STMN3: variants seen among roughly 807,000 people sequenced by gnomAD.
STMN3 encodes stathmin-3.
In STMN3, 24 loss-of-function variants were observed where a neutral mutation model predicts 23.2. The observed-to-expected ratio is 1.03, with a 90% CI of 0.75 to 1.45. The LOEUF (loss-of-function observed/expected upper bound fraction) is 1.45, where lower values mean the gene tolerates loss of function less well. Among genes scored for constraint, STMN3 ranks in the 40% most tolerant of loss-of-function variants. The probability of loss-of-function intolerance (pLI) is 0.00; values close to 1 mark genes in which losing one functional copy is unlikely to be tolerated. For missense variants in STMN3, 235 were observed against 237.6 expected (o/e 0.99, Z 0.07); for synonymous variants, 117 against 103.4 (o/e 1.13, Z -0.80).
chr20:63,644,974 C>G (rs1601057868), intron 1 of STMN3, among the ~76,000 whole-genome samples: 1 of 152,176 alleles, frequency 6.6e-6, no homozygotes, highest in Admixed American at 6.5e-5. Flanking sequence ...AAGTGGCTAC[C>G]CCTGCCTGTC....
intron 1 of STMN3, 119 bp downstream of exon 1, chr20:63,653,208 A>C: frequency 3.9e-6 from 5 of 1,297,614 alleles, no homozygotes; most frequent in Non-Finnish European, 4.2e-6. Context: ...CAGGCTTGCA[A>C]CGCGCAGGGT....
Position 63,642,156 on chromosome 20 carries a change from C to G in STMN3, c.435G>C (p.Glu145Asp), listed in dbSNP as rs780647375. 4.5e-6 allele frequency: 7 copies of G among 1,552,808 alleles called. No homozygotes were observed. In the South Asian group the frequency reaches 5.9e-5, roughly 13 times the overall value. ...GTGCGGCCAGGTGTGCCTCGCGGAT[C>G]TCCTTGCTGAGCTCCATCTTGTAGT... is the stretch of plus-strand genomic sequence containing the variant. Reference protein sequence around the residue: ...KLNYKMELSKEIREAHLAALR... With the variant: ...KLNYKMELSKDIREAHLAALR... The change falls in exon 4 of 5, where the codon GAG becomes GAC. Residue 145 changes from glutamate to aspartate, a missense_variant. Physicochemically the swap from Glu to Asp is conservative, Grantham distance 45. Coordinates refer to ENST00000370053, the MANE Select transcript of STMN3 (RefSeq NM_015894.4).
intron 1 of STMN3, among the ~76,000 whole-genome samples, chr20:63,651,823 A>G (rs2146124076): frequency 6.6e-6 from 1 of 152,306 alleles, no homozygotes; most frequent in East Asian, 1.9e-4. Flanking sequence ...GAATGTGAGC[A>G]GAGGCCACAA....
rs984663440 is a variant in STMN3, at chr20:63,643,884, C to T, written c.163G>A (p.Glu55Lys). Reference protein sequence around the residue: ...LDKRASGQSFEVILKSPSDLS... With the variant: ...LDKRASGQSFKVILKSPSDLS... ...TCAGAAGGGGACTTGAGGATGACCT[C>T]GAAGCTCTGGCCTGAGGCCCGCTTG... The change falls in exon 3 of 5, where the codon GAG becomes AAG. Residue 55 changes from glutamate (E) to lysine (K), a missense_variant. Coordinates refer to ENST00000370053, the MANE Select transcript of STMN3 (RefSeq NM_015894.4). 23 of 1,596,876 alleles carry T rather than the reference C, an allele frequency of 1.4e-5. No homozygotes were observed. The highest frequency in any genetic ancestry group is 1.8e-5 in the Non-Finnish European group (21 of 1,175,584).
rs1569070258 is a variant in STMN3 at position 63,647,956 on chromosome 20, A to ATATGTG, written c.20-3648_20-3647insCACATA. Among the ~76,000 whole-genome samples, 41 of 50,948 alleles carry ATATGTG rather than the reference A, an allele frequency of 8.0e-4. 3 individuals are homozygous for ATATGTG. In the South Asian group the frequency reaches 0.015, roughly 19 times the overall value. 33.4% of individuals were successfully genotyped at this position (50,948 alleles called of 152,430 possible). ...TATATATGTGTGTGTGTGTATATAT[A>ATATGTG]TATGTATATATATATATATATATAC... On this transcript the variant is annotated intron_variant, in intron 1 of 4. Transcript: ENST00000370053.
intron 1 of STMN3, 88 bp from the exon 2 acceptor site, chr20:63,644,397 T>C (rs2146115840): frequency 2.0e-6 from 2 of 1,011,568 alleles, no homozygotes; most frequent in Admixed American, 2.0e-5. Context: ...GCCTCTATCA[T>C]GTCTCTGTGA....
intron 1 of STMN3, among the ~76,000 whole-genome samples, chr20:63,649,599 C>A (rs1156975933): frequency 6.6e-6 from 1 of 152,066 alleles, no homozygotes; most frequent in Non-Finnish European, 1.5e-5. Context: ...GGTACAATCT[C>A]GGCTCACGGC....
In STMN3 at chr20:63,652,583, G is replaced by T. The variant is rs1433566886; in HGVS notation, c.19+744C>A. 6.1e-6 allele frequency: 6 copies of T among 985,376 alleles called. No homozygotes were observed. Among genetic ancestry groups the T allele is most frequent in the Non-Finnish European group, 7.2e-6 (6 of 829,894 alleles). The allele number at this position is 985,376 out of a possible 1,614,324, so 61.0% of individuals were successfully genotyped here. On this transcript the variant is annotated intron_variant, in intron 1 of 4. Coordinates refer to ENST00000370053, the MANE Select transcript of STMN3 (RefSeq NM_015894.4). This position sits in a 1 kb window ranked among gnomAD's most constrained non-coding sequence, Gnocchi z 5.3. ...CGGGGTGGGCGCTACCTTCGAAGGC[G>T]GTGGGTCCGCCCCGCGGGAGGTGGA... is the stretch of plus-strand genomic sequence containing the variant.
chr20:63,644,229 C>A lies in STMN3; in HGVS notation c.100G>T (p.Val34Phe). ...CFYTQPHPNT[V>F]YQYGDMEVKQ... ...AGGCACTCACCCCCGTACTGGTAGA[C>A]GGTATTGGGGTGCGGCTGTGTGTAG... The change falls in exon 2 of 5, where the codon GTC becomes TTC. Residue 34 changes from valine to phenylalanine, a missense_variant. Coordinates refer to ENST00000370053, the MANE Select transcript of STMN3 (RefSeq NM_015894.4). The A allele has an allele frequency of 6.2e-7, 1 of 1,613,604 alleles. No individual in the cohort carries two copies. Among genetic ancestry groups the A allele is most frequent in the Non-Finnish European group, 8.5e-7 (1 of 1,179,814 alleles).
chr20:63,642,532 TC>T (rs1263041227), intron 3 of STMN3, among the ~76,000 whole-genome samples: 1 of 149,704 alleles, frequency 6.7e-6, no homozygotes, highest in Non-Finnish European at 1.5e-5. Context: ...CCCGCCCCCG[TC>T]CCTGCCTCGC....
chr20:63,647,954 ATATATG>A (rs1458991478), intron 1 of STMN3, among the ~76,000 whole-genome samples: 1 of 49,150 alleles, frequency 2.0e-5, no homozygotes, highest in African/African-American at 1.0e-4. Flanking sequence ...GTGTGTATAT[ATATATG>A]TATATATATA....
rs576546130 is a variant in STMN3 at position 63,647,675 on chromosome 20, G to A, written c.20-3366C>T. 1.1e-3 allele frequency among the ~76,000 whole-genome samples: 110 copies of A among 98,308 alleles called. 5 individuals are homozygous for A. Among genetic ancestry groups the A allele is most frequent in the African/African-American group, 2.8e-3 (80 of 29,024 alleles). The allele number at this position is 98,308 out of a possible 152,430, so 64.5% of individuals were successfully genotyped here. On this transcript the variant is annotated intron_variant, in intron 1 of 4. Transcript: ENST00000370053. ...ATGTATATATATAATATATATATACGTATATATACACGTGTATATATATAA... is the reference window on the plus strand; with the variant it reads ...ATGTATATATATAATATATATATACATATATATACACGTGTATATATATAA...
intron 1 of STMN3, among the ~76,000 whole-genome samples, chr20:63,644,584 T>C (rs1329832700): frequency 1.3e-5 from 2 of 152,208 alleles, no homozygotes; most frequent in Non-Finnish European, 2.9e-5. Context: ...AATGTCTGTC[T>C]CATCTTCCAC....
chr20:63,642,429 T>G (rs892416455), intron 3 of STMN3, 130 bp from the exon 4 acceptor site: 4 of 393,492 alleles, frequency 1.0e-5, no homozygotes, highest in Non-Finnish European at 1.7e-5. Context: ...CAGGCCTCGG[T>G]GGGCGCCGGG....
At chr20:63,642,585 A>G (rs1171846609) in intron 3 of STMN3, among the ~76,000 whole-genome samples, 1 of 151,572 alleles carries the variant, frequency 6.6e-6, no homozygotes, top group African/African-American at 2.4e-5. Context: ...GGCCCCCGCC[A>G]TACCCTGCCG....
Position 63,650,890 on chromosome 20 carries a change from C to T in STMN3, c.19+2437G>A, listed in dbSNP as rs372958103. Among the ~76,000 whole-genome samples, 23 of 150,536 alleles carry T rather than the reference C, an allele frequency of 1.5e-4. No homozygotes were observed. The East Asian group carries it at 2.6e-3, about 17-fold the overall frequency. On this transcript the variant is annotated intron_variant, in intron 1 of 4. Transcript: ENST00000370053. ...CTCACACCCACCCCTCCCGCCCACC[C>T]GGGTGGATGCCCTTATCAGCTCTCC...
chr20:63,644,122 G>T, intron 2 of STMN3, 92 bp downstream of exon 2: 1 of 1,381,900 alleles, frequency 7.2e-7, no homozygotes, highest in Non-Finnish European at 1.0e-6. Context: ...GAGGCAGCCA[G>T]GACGGGAGTT....
At position 63,651,266 on chromosome 20, in the gene STMN3, C is replaced by T. The variant is rs56250333; in HGVS notation, c.19+2061G>A. 8.0e-3 allele frequency among the ~76,000 whole-genome samples: 1,225 copies of T among 152,312 alleles called. 17 individuals are homozygous for T. Among genetic ancestry groups the T allele is most frequent in the African/African-American group, 0.028 (1,183 of 41,554 alleles). ...ATGAGCCACCCTATCTGCCTCACTT[C>T]TACAGAGGAGGAATGAAGGCTCAGA... On this transcript the variant is annotated intron_variant, in intron 1 of 4. Transcript: ENST00000370053.
At position 63,652,596 on chromosome 20, in the gene STMN3, C is replaced by G; in HGVS notation, c.19+731G>C. 2.0e-6 allele frequency: 2 copies of G among 985,400 alleles called. No homozygotes were observed. Among genetic ancestry groups the G allele is most frequent in the Non-Finnish European group, 2.4e-6 (2 of 829,914 alleles). 61.0% of individuals were successfully genotyped at this position (985,400 alleles called of 1,614,324 possible). On this transcript the variant is annotated intron_variant, in intron 1 of 4. Transcript: ENST00000370053. The surrounding 1 kb of genome is among the most constrained non-coding windows in gnomAD (Gnocchi z 5.3). ...ACCTTCGAAGGCGGTGGGTCCGCCCCGCGGGAGGTGGAGGGGCGGGAGGGG... is the reference window on the plus strand; with the variant it reads ...ACCTTCGAAGGCGGTGGGTCCGCCCGGCGGGAGGTGGAGGGGCGGGAGGGG...
Sources: allele counts gnomAD v4.1 joint callset (sites outside exome capture counted in the v4.1 genomes callset), GRCh38; gene constraint gnomAD v4.1.1; non-coding constraint Gnocchi (gnomAD v3.1); transcripts MANE v1.5; gene names NCBI Gene and HGNC (gene_info 2026-07-23, HGNC 2026-07-21).